The following ZSWIM7 variants were observed in gnomAD, a reference collection of about 807,000 sequenced individuals.
The protein encoded by ZSWIM7 is zinc finger SWIM domain-containing protein 7.
ZSWIM7 carries 22 observed loss-of-function variants against 21.1 expected under a neutral mutation model. That is an observed-to-expected ratio of 1.04 (90% confidence interval 0.74 to 1.49). The LOEUF (loss-of-function observed/expected upper bound fraction) is 1.49, where lower values mean the gene tolerates loss of function less well. Among genes scored for constraint, ZSWIM7 ranks in the 40% most tolerant of loss-of-function variants. The pLI is 0.00. For synonymous variants in ZSWIM7, 67 were observed against 66.5 expected (o/e 1.01, Z -0.04); for missense variants, 193 against 168.0 (o/e 1.15, Z -0.82).
rs1450742742 is a variant in ZSWIM7, at chr17:15,978,100, A to G, written c.370T>C (p.Ser124Pro). The stretch of plus-strand genomic sequence containing the variant: ...AATATGTCAGTCAACTGCTTGTCAG[A>G]GACACTTAGCTGCTGACAGGTCCTC... ...VMRTCQQLSV[S>P]DKQLTDILLM... Residue 124 changes from serine (S) to proline (P), a missense_variant, in exon 5 of 5, where the codon TCT (serine) becomes CCT (proline). Ser to Pro is a moderately conservative substitution (Grantham distance 74, BLOSUM62 -1). Coordinates refer to ENST00000399277, the MANE Select transcript of ZSWIM7 (RefSeq NM_001042697.2). The G allele has an allele frequency of 6.2e-7, 1 of 1,614,156 alleles. No individual in the cohort carries two copies. The highest frequency in any genetic ancestry group is 2.2e-5 in the East Asian group (1 of 44,890).
At chr17:15,992,682 G>C (rs1970501308) in intron 2 of ZSWIM7, among the ~76,000 whole-genome samples, 1 of 150,630 alleles carries the variant, frequency 6.6e-6, no homozygotes, top group South Asian at 2.1e-4. Context: ...CAGGTGATTC[G>C]CCCGTCTCGG....
intron 3 of ZSWIM7, among the ~76,000 whole-genome samples, chr17:15,986,036 TTG>T (rs983711736): frequency 1.3e-5 from 2 of 149,540 alleles, no homozygotes; most frequent in African/African-American, 5.0e-5. Flanking sequence ...AAGTTTTTTT[TTG>T]TGTTTTTGTT....
rs1400063908 is a variant in ZSWIM7, at chr17:15,981,035, C to T, written c.306+5G>A. 1 of 1,609,962 alleles carries T rather than the reference C, an allele frequency of 6.2e-7. No homozygotes were observed. Among genetic ancestry groups the T allele is most frequent in the Non-Finnish European group, 8.5e-7 (1 of 1,176,744 alleles). On this transcript the variant is annotated splice_donor_5th_base_variant and intron_variant, in intron 4 of 4. Transcript: ENST00000399277. ...TACAGTGGGAAGAGTCTTCCCCATCCTCACCAGGATGCTGTCACTCTTCCG... is the reference window on the plus strand; with the variant it reads ...TACAGTGGGAAGAGTCTTCCCCATCTTCACCAGGATGCTGTCACTCTTCCG...
At chr17:15,981,416 G>A (rs939388906) in intron 3 of ZSWIM7, among the ~76,000 whole-genome samples, 18 of 151,286 alleles carry the variant, frequency 1.2e-4, no homozygotes, top group African/African-American at 4.2e-4. Flanking sequence ...CTGTTCCTAC[G>A]CCTAGTGATT....
chr17:15,996,816 A>G (rs1055978091), intron 1 of ZSWIM7, among the ~76,000 whole-genome samples: 3 of 150,718 alleles, frequency 2.0e-5, no homozygotes, highest in Non-Finnish European at 4.4e-5. Flanking sequence ...GTGCCACTGC[A>G]CTCCAGCCTG....
intron 3 of ZSWIM7, 54 bp downstream of exon 3, chr17:15,987,212 A>G: frequency 7.0e-7 from 1 of 1,421,626 alleles, no homozygotes. Flanking sequence ...GAGATGAAGA[A>G]CATTTTGTCC....
chr17:15,983,743 T>C (rs909893306), intron 3 of ZSWIM7, among the ~76,000 whole-genome samples: 3 of 152,196 alleles, frequency 2.0e-5, no homozygotes, highest in Admixed American at 1.3e-4. Flanking sequence ...TGTGCCACCA[T>C]GCCTGGCTAA....
chr17:15,987,500 C>A, intron 2 of ZSWIM7, 132 bp from the exon 3 acceptor site: 1 of 721,646 alleles, frequency 1.4e-6, no homozygotes. Flanking sequence ...AATAATACAG[C>A]AAAACCCATG....
rs1458888703 is a variant in ZSWIM7 at position 15,979,805 on chromosome 17, C to A, written c.306+1235G>T. Among the ~76,000 whole-genome samples the A allele has an allele frequency of 4.0e-5, 5 of 125,356 alleles. No homozygotes were observed. In the East Asian group the frequency reaches 9.8e-4, roughly 24 times the overall value. 82.2% of individuals were successfully genotyped at this position (125,356 alleles called of 152,430 possible). A position where few individuals can be genotyped will look rare whatever the true frequency, so the allele number is the denominator to read the frequency against. On this transcript the variant is annotated intron_variant, in intron 4 of 4. Transcript: ENST00000399277. ...TGGCCGGGCGGGGGGCTGACCCCCC[C>A]ACCTCCCTCCCGGACGGGGGGCTGA... is the stretch of plus-strand genomic sequence containing the variant.
intron 2 of ZSWIM7, among the ~76,000 whole-genome samples, chr17:15,992,240 G>T (rs921773309): frequency 1.3e-5 from 2 of 151,952 alleles, no homozygotes; most frequent in African/African-American, 2.4e-5. Context: ...ATTTTTAAAT[G>T]TAAGTGTGTA....
chr17:15,983,392 G>A (rs1970378230), intron 3 of ZSWIM7, among the ~76,000 whole-genome samples: 1 of 142,540 alleles, frequency 7.0e-6, no homozygotes, highest in Non-Finnish European at 1.5e-5. Flanking sequence ...TTACAAATTA[G>A]GTGTTGAAAA....
rs142633043 is a variant in ZSWIM7 at position 15,982,016 on chromosome 17, A to C, written c.202-872T>G. ...TAAATAAAGCAAAGACCCTTGCGAAAGGAATGACTCAGCTGTTCAGGATGG... is the reference window on the plus strand; with the variant it reads ...TAAATAAAGCAAAGACCCTTGCGAACGGAATGACTCAGCTGTTCAGGATGG... On this transcript the variant is annotated intron_variant, in intron 3 of 4. Transcript: ENST00000399277. Among the ~76,000 whole-genome samples, 36 of 152,342 alleles carry C rather than the reference A, an allele frequency of 2.4e-4. No homozygotes were observed. In the East Asian group the frequency reaches 6.7e-3, roughly 29 times the overall value.
At chr17:15,980,825 C>T (rs1970346727) in intron 4 of ZSWIM7, among the ~76,000 whole-genome samples, 2 of 152,134 alleles carry the variant, frequency 1.3e-5, no homozygotes, top group South Asian at 2.1e-4. Flanking sequence ...TGATCTTTTA[C>T]ATAAAAATTC....
rs376485327 is a variant in ZSWIM7 at position 15,999,677 on chromosome 17, C to A, written c.-83G>T. On this transcript the variant is annotated 5_prime_UTR_variant, in exon 1 of 5. Coordinates refer to ENST00000399277, the MANE Select transcript of ZSWIM7 (RefSeq NM_001042697.2). ...GCGCCTACCTGTGGAGGATCCTGACCCCCCGCCGGGGCAGGGCGAGACGGA... is the reference window on the plus strand; with the variant it reads ...GCGCCTACCTGTGGAGGATCCTGACACCCCGCCGGGGCAGGGCGAGACGGA... 3 of 1,559,148 alleles carry A rather than the reference C, an allele frequency of 1.9e-6. No homozygotes were observed. The highest frequency in any genetic ancestry group is 2.6e-6 in the Non-Finnish European group (3 of 1,152,468).
chr17:15,978,797 C>A (rs928957088), intron 4 of ZSWIM7, among the ~76,000 whole-genome samples: 12 of 152,100 alleles, frequency 7.9e-5, no homozygotes, highest in African/African-American at 2.9e-4. Context: ...TCTTCCTTGC[C>A]TTCAGAAAGC....
At chr17:15,988,168 T>G (rs1334878697) in intron 2 of ZSWIM7, among the ~76,000 whole-genome samples, 1 of 152,170 alleles carries the variant, frequency 6.6e-6, no homozygotes, top group Non-Finnish European at 1.5e-5. Flanking sequence ...AAAGGTATAT[T>G]GTAGGCTTCT....
intron 2 of ZSWIM7, 22 bp downstream of exon 2, chr17:15,993,735 A>T: frequency 1.4e-6 from 2 of 1,442,464 alleles, no homozygotes; most frequent in Non-Finnish European, 1.9e-6. Context: ...AAAAAATCAA[A>T]TACAACAGTA....
At chr17:15,995,672 GC>G (rs1970544346) in intron 1 of ZSWIM7, among the ~76,000 whole-genome samples, 1 of 147,176 alleles carries the variant, frequency 6.8e-6, no homozygotes, top group Non-Finnish European at 1.5e-5. Context: ...AAATATAAAA[GC>G]AACACAGAAG....
rs2151638753 is a variant in ZSWIM7 at position 15,999,588 on chromosome 17, C to T, written c.7G>A (p.Val3Ile). ...TCCTCCACAACCGCCGGCAACACTA[C>T]GGCCATCGCGCCGCAGGACACGCCC... MAVVLPAVVEELL... is the reference protein window; with the variant it reads MAIVLPAVVEELL... The change falls in exon 1 of 5, where the codon GTA becomes ATA. Residue 3 changes from valine (V) to isoleucine (I), a missense_variant. Val to Ile is a conservative substitution (Grantham distance 29). Transcript: ENST00000399277. The T allele has an allele frequency of 6.3e-7, 1 of 1,577,510 alleles. No homozygotes were observed. Among genetic ancestry groups the T allele is most frequent in the Non-Finnish European group, 8.6e-7 (1 of 1,163,058 alleles).
Sources: gnomAD v4.1 joint callset for allele counts (sites outside exome capture counted in the v4.1 genomes callset) on GRCh38, gnomAD v4.1.1 for gene constraint, MANE v1.5 for transcripts, NCBI Gene and HGNC (gene_info 2026-07-23, HGNC 2026-07-21) for gene names.